Variants in ANKIB1 observed in about 807,000 individuals in gnomAD.
ANKIB1 encodes the protein ankyrin repeat and IBR domain-containing protein 1.
ANKIB1 carries 43 observed loss-of-function variants against 122.1 expected under a neutral mutation model. The ratio of observed to expected loss-of-function variants is 0.35; its 90% CI spans 0.28 to 0.45. ANKIB1 has a LOEUF of 0.45. ANKIB1 is among the 20% of genes least tolerant of loss of function. The pLI, the probability that ANKIB1 is intolerant of heterozygous loss-of-function variation, is 1.00. For synonymous variants in ANKIB1, 390 were observed against 442.0 expected (o/e 0.88, Z 1.48); for missense variants, 992 against 1,329.5 (o/e 0.75, Z 3.95).
At chr7:92,364,281 TAGCCTGGATGCCAGAGCA>T in intron 10 of ANKIB1, among the ~76,000 whole-genome samples, 1 of 125,878 alleles carries the variant, frequency 7.9e-6, no homozygotes, top group Non-Finnish European at 1.6e-5. Context: ...CACTGCACTC[TAGCCTGGATGCCAGAGCA>T]AGACTCCATC....
At chr7:92,367,269 G>C (rs1804109038) in intron 10 of ANKIB1, among the ~76,000 whole-genome samples, 1 of 152,170 alleles carries the variant, frequency 6.6e-6, no homozygotes, top group Admixed American at 6.5e-5. Flanking sequence ...AAAAGCCTAG[G>C]AGTTTTCTCA....
intron 10 of ANKIB1, among the ~76,000 whole-genome samples, chr7:92,369,447 T>TA (rs779693798): frequency 6.6e-6 from 1 of 152,338 alleles, no homozygotes; most frequent in Non-Finnish European, 1.5e-5. Flanking sequence ...TCTGTGCTGC[T>TA]AGGCTCCAAC....
chr7:92,303,727 C>T (rs1270255313), intron 2 of ANKIB1, among the ~76,000 whole-genome samples: 1 of 152,036 alleles, frequency 6.6e-6, no homozygotes, highest in Non-Finnish European at 1.5e-5. Flanking sequence ...GTAAATGAAG[C>T]AGTTGGTAAT....
chr7:92,285,229 G>C (rs1359934164), intron 1 of ANKIB1, among the ~76,000 whole-genome samples: 2 of 152,124 alleles, frequency 1.3e-5, no homozygotes, highest in Non-Finnish European at 2.9e-5. Context: ...TGGCCAGGCT[G>C]ATCTCGAACT....
chr7:92,323,682 G>A (rs1802962861), intron 4 of ANKIB1, among the ~76,000 whole-genome samples: 2 of 152,128 alleles, frequency 1.3e-5, no homozygotes, highest in Admixed American at 1.3e-4. Context: ...GCCAAAAGGT[G>A]AAAACAACTC....
At chr7:92,297,872 G>T (rs1211762047) in intron 2 of ANKIB1, among the ~76,000 whole-genome samples, 1 of 151,950 alleles carries the variant, frequency 6.6e-6, no homozygotes, top group East Asian at 1.9e-4. Flanking sequence ...ACATGATCTT[G>T]CCATTCAAAC....
At chr7:92,384,263 A>G (rs1254183178) in intron 11 of ANKIB1, among the ~76,000 whole-genome samples, 2 of 152,240 alleles carry the variant, frequency 1.3e-5, no homozygotes, top group Non-Finnish European at 2.9e-5. Context: ...AGAACATTCC[A>G]TGCTCATGGA....
At chr7:92,381,468 A>C (rs1804513304) in intron 11 of ANKIB1, among the ~76,000 whole-genome samples, 1 of 152,248 alleles carries the variant, frequency 6.6e-6, no homozygotes, top group South Asian at 2.1e-4. Context: ...AATGGAGGAA[A>C]AAATGCTAAG....
At chr7:92,384,461 C>T (rs566998508) in intron 11 of ANKIB1, among the ~76,000 whole-genome samples, 1 of 152,304 alleles carries the variant, frequency 6.6e-6, no homozygotes, top group African/African-American at 2.4e-5. Flanking sequence ...AAGCTTGAGG[C>T]ATCACACTAC....
intron 1 of ANKIB1, among the ~76,000 whole-genome samples, chr7:92,258,122 G>C (rs548307031): frequency 6.6e-6 from 1 of 152,288 alleles, no homozygotes; most frequent in South Asian, 2.1e-4. Context: ...AGTAAAAAGG[G>C]AGAATAAAGG....
intron 1 of ANKIB1, among the ~76,000 whole-genome samples, chr7:92,248,864 CTTTTTTTCTTTTTTCTTTTCTTTCTT>C (rs1280699435): frequency 6.1e-5 from 9 of 147,130 alleles, no homozygotes; most frequent in African/African-American, 2.0e-4. Context: ...TTTCCAGATA[CTTTTTTTCTTTTTTCTTTTCTTTCTT>C]TTTTTTTTTT....
At chr7:92,246,809 C>T (rs1346646765) in intron 1 of ANKIB1, among the ~76,000 whole-genome samples, 1 of 152,202 alleles carries the variant, frequency 6.6e-6, no homozygotes, top group Non-Finnish European at 1.5e-5. Flanking sequence ...GATCTGTGTC[C>T]TTCCTCGCAG....
intron 10 of ANKIB1, among the ~76,000 whole-genome samples, chr7:92,364,561 T>C (rs777689487): frequency 1.8e-4 from 27 of 152,198 alleles, no homozygotes; most frequent in Non-Finnish European, 2.4e-4. Context: ...ATTTCTGTTA[T>C]GAATGGCTTG....
intron 5 of ANKIB1, among the ~76,000 whole-genome samples, chr7:92,330,609 G>A (rs775018841): frequency 1.6e-4 from 25 of 152,088 alleles, no homozygotes; most frequent in African/African-American, 4.3e-4. Context: ...TTGGGAGGCC[G>A]AGGTGGGCGG....
chr7:92,315,038 G>A (rs1275189016), intron 3 of ANKIB1, among the ~76,000 whole-genome samples: 2 of 151,848 alleles, frequency 1.3e-5, no homozygotes, highest in East Asian at 3.9e-4. Context: ...AAAGGATGGA[G>A]GCTCTATAAT....
intron 1 of ANKIB1, among the ~76,000 whole-genome samples, chr7:92,288,893 C>T (rs1014959077): frequency 6.6e-6 from 1 of 152,072 alleles, no homozygotes; most frequent in African/African-American, 2.4e-5. Flanking sequence ...ATTCCAATTG[C>T]TGACCATGGT....
intron 11 of ANKIB1, among the ~76,000 whole-genome samples, chr7:92,377,298 G>A (rs1424899369): frequency 6.6e-6 from 1 of 152,116 alleles, no homozygotes. Context: ...AGAATGACTA[G>A]TTAGTGAGGT....
chr7:92,303,215 A>C (rs1234652161), intron 2 of ANKIB1, among the ~76,000 whole-genome samples: 1 of 152,206 alleles, frequency 6.6e-6, no homozygotes, highest in African/African-American at 2.4e-5. Flanking sequence ...AAATTGTTTC[A>C]GATTTCAGAT....
At chr7:92,263,413 A>G (rs987111635) in intron 1 of ANKIB1, among the ~76,000 whole-genome samples, 2 of 152,214 alleles carry the variant, frequency 1.3e-5, no homozygotes, top group Admixed American at 6.5e-5. Flanking sequence ...GGTAAAGCTT[A>G]TATTTCCCAC....
Sources: allele counts gnomAD v4.1 joint callset (sites outside exome capture counted in the v4.1 genomes callset), GRCh38; gene constraint gnomAD v4.1.1; transcripts MANE v1.5; gene names NCBI Gene and HGNC (gene_info 2026-07-23, HGNC 2026-07-21).